Variants in ANO10 observed in about 807,000 individuals in gnomAD.
ANO10 encodes the protein anoctamin 10.
Under a neutral mutation model 74.7 loss-of-function variants are expected in ANO10, and 77 were observed. That is an observed-to-expected ratio of 1.03 (90% CI 0.86 to 1.25). The LOEUF (loss-of-function observed/expected upper bound fraction) is 1.25, where lower values mean the gene tolerates loss of function less well. Ranked by LOEUF, ANO10 falls within the 50% of genes most tolerant of loss-of-function variation. The pLI is 0.00. For missense variants in ANO10, 721 were observed against 778.1 expected, an observed-to-expected ratio of 0.93 and a Z score of 0.87; for synonymous variants, 279 against 284.9, an observed-to-expected ratio of 0.98 and a Z score of 0.21.
At chr3:43,487,304 T>C (rs2076533193) in intron 11 of ANO10, among the ~76,000 whole-genome samples, 1 of 152,214 alleles carries the variant, frequency 6.6e-6, no homozygotes, top group Non-Finnish European at 1.5e-5. Context: ...GGTATCAGAA[T>C]GATGCTGGCC....
rs149151301 is a variant in ANO10 at position 43,565,266 on chromosome 3, AAAGTTT to A, written c.1293+381_1293+386del. Among the ~76,000 whole-genome samples, 1,426 of 152,314 alleles carry A rather than the reference AAAGTTT, an allele frequency of 9.4e-3. 15 individuals carry two copies. Among genetic ancestry groups the A allele is most frequent in the African/African-American group, 0.029 (1,205 of 41,570 alleles). On this transcript the variant is annotated intron_variant, in intron 8 of 12. Transcript: ENST00000292246. Reference sequence around the variant, plus strand: ...CACTGCATAGGATCCACTGGTCTCTAAAGTTTAACAACTTATTAACTTAAAAATTAA... The same window carrying A: ...CACTGCATAGGATCCACTGGTCTCTAAACAACTTATTAACTTAAAAATTAA...
chr3:43,423,194 C>T (rs887681237), intron 12 of ANO10, among the ~76,000 whole-genome samples: 2 of 151,852 alleles, frequency 1.3e-5, no homozygotes, highest in African/African-American at 2.4e-5. Context: ...TACAATTCTT[C>T]AGAATGCATT....
intron 11 of ANO10, among the ~76,000 whole-genome samples, chr3:43,541,709 T>C (rs866198195): frequency 6.6e-6 from 1 of 152,232 alleles, no homozygotes; most frequent in African/African-American, 2.4e-5. Context: ...AAAGTAACTC[T>C]ACTGAGTTAC....
At chr3:43,603,798 A>T (rs1439271261) in intron 2 of ANO10, among the ~76,000 whole-genome samples, 1 of 152,076 alleles carries the variant, frequency 6.6e-6, no homozygotes, top group Non-Finnish European at 1.5e-5. Context: ...ACCTTTCGTT[A>T]TTTTGTCTTA....
intron 7 of ANO10, among the ~76,000 whole-genome samples, chr3:43,565,993 C>A (rs911723603): frequency 6.6e-6 from 1 of 152,046 alleles, no homozygotes; most frequent in East Asian, 1.9e-4. Context: ...GTGTGCGAGC[C>A]GAAGCAGGGC....
chr3:43,678,840 A>G (rs989951057), intron 1 of ANO10, among the ~76,000 whole-genome samples: 2 of 152,242 alleles, frequency 1.3e-5, no homozygotes, highest in African/African-American at 4.8e-5. Flanking sequence ...TATGGAAAAT[A>G]TTTTAAAAAT....
chr3:43,513,127 A>C lies in ANO10; in HGVS notation c.1797+36593T>G, dbSNP rs543936501. On this transcript the variant is annotated intron_variant, in intron 11 of 12. Coordinates refer to ENST00000292246, the MANE Select transcript of ANO10 (RefSeq NM_018075.5). ...CTTACCAGCACACGTATGTGAGGAA[A>C]CTATCTGAGGTCCGGGAAAGCAACA... is the stretch of plus-strand genomic sequence containing the variant. Among the ~76,000 whole-genome samples the C allele has an allele frequency of 1.9e-3, 283 of 152,270 alleles. 1 individual carries two copies. Among genetic ancestry groups the C allele is most frequent in the African/African-American group, 4.9e-3 (204 of 41,540 alleles).
rs542539602 is a variant in ANO10, at chr3:43,464,824, C to A, written c.1798-32097G>T. ...TCAGTAGTCATTCAGGATAAAAAGT[C>A]TCAGTAAAATGGAAATAGAGGCAAA... is the stretch of plus-strand genomic sequence containing the variant. On this transcript the variant is annotated intron_variant, in intron 11 of 12. Coordinates refer to ENST00000292246, the MANE Select transcript of ANO10 (RefSeq NM_018075.5). Among the ~76,000 whole-genome samples, 350 of 152,166 alleles carry A rather than the reference C, an allele frequency of 2.3e-3. 3 individuals are homozygous for A. The highest frequency in any genetic ancestry group is 6.8e-3 in the Middle Eastern group (2 of 294).
intron 1 of ANO10, among the ~76,000 whole-genome samples, chr3:43,687,587 T>C (rs1252203329): frequency 6.6e-6 from 1 of 152,226 alleles, no homozygotes; most frequent in Non-Finnish European, 1.5e-5. Context: ...GAGCAAGCTC[T>C]GTACTTGCTT....
chr3:43,667,898 CAT>C (rs1487767471), intron 1 of ANO10, among the ~76,000 whole-genome samples: 3 of 152,042 alleles, frequency 2.0e-5, no homozygotes, highest in Admixed American at 6.5e-5. Context: ...CATGGAGAAA[CAT>C]GTGTGTGTAA....
At chr3:43,594,356 C>T (rs1409407658) in intron 4 of ANO10, among the ~76,000 whole-genome samples, 5 of 152,006 alleles carry the variant, frequency 3.3e-5, no homozygotes, top group Admixed American at 6.6e-5. Context: ...ACCACATAGT[C>T]GGAAGTAAAG....
At chr3:43,680,749 C>T (rs1191719539) in intron 1 of ANO10, among the ~76,000 whole-genome samples, 48 of 152,290 alleles carry the variant, frequency 3.2e-4, no homozygotes, top group Non-Finnish European at 1.2e-4. Flanking sequence ...AGAAACTCTA[C>T]AAGCCAGAAG....
intron 12 of ANO10, among the ~76,000 whole-genome samples, chr3:43,405,964 T>G (rs2092568751): frequency 1.3e-5 from 2 of 152,114 alleles, no homozygotes; most frequent in Non-Finnish European, 2.9e-5. Flanking sequence ...GTAGTTAAGG[T>G]GAAATAATTA....
intron 11 of ANO10, among the ~76,000 whole-genome samples, chr3:43,487,109 T>C (rs1298569716): frequency 4.0e-5 from 6 of 148,312 alleles, no homozygotes; most frequent in Non-Finnish European, 6.0e-5. Flanking sequence ...ATTACATTTA[T>C]TGATTTGCGT....
At chr3:43,536,594 G>T (rs1284892232) in intron 11 of ANO10, among the ~76,000 whole-genome samples, 2 of 152,046 alleles carry the variant, frequency 1.3e-5, no homozygotes, top group Non-Finnish European at 2.9e-5. Flanking sequence ...CTCCTTTAAT[G>T]GTAAAATGGA....
At chr3:43,614,192 G>C (rs2082972744) in intron 1 of ANO10, among the ~76,000 whole-genome samples, 1 of 152,104 alleles carries the variant, frequency 6.6e-6, no homozygotes, top group Admixed American at 6.5e-5. Flanking sequence ...GTAATAAAAG[G>C]ACAACCTTAT....
At chr3:43,593,370 T>A (rs1467144307) in intron 4 of ANO10, among the ~76,000 whole-genome samples, 3 of 152,180 alleles carry the variant, frequency 2.0e-5, no homozygotes, top group Non-Finnish European at 4.4e-5. Flanking sequence ...AAAGGTCGGG[T>A]TACCCACAAA....
At chr3:43,592,285 G>A (rs972411420) in intron 4 of ANO10, among the ~76,000 whole-genome samples, 16 of 152,208 alleles carry the variant, frequency 1.1e-4, no homozygotes, top group Non-Finnish European at 1.0e-4. Context: ...ATCTGAGAAC[G>A]GACAGACTGC....
At chr3:43,550,484 T>C (rs1381828385) in intron 10 of ANO10, among the ~76,000 whole-genome samples, 1 of 152,178 alleles carries the variant, frequency 6.6e-6, no homozygotes, top group African/African-American at 2.4e-5. Flanking sequence ...CCATTGCTCT[T>C]TTTTTCTTTA....
Sources: allele counts gnomAD v4.1 joint callset (sites outside exome capture counted in the v4.1 genomes callset), GRCh38; gene constraint gnomAD v4.1.1; transcripts MANE v1.5; gene names NCBI Gene and HGNC (gene_info 2026-07-23, HGNC 2026-07-21).